ARHGAP24: variants seen among roughly 807,000 people sequenced by gnomAD.
ARHGAP24 encodes the protein rho GTPase-activating protein 24.
In ARHGAP24, 50 loss-of-function variants were observed where a neutral mutation model predicts 76.4. The observed-to-expected ratio is 0.65, with a 90% CI of 0.52 to 0.83. The LOEUF (loss-of-function observed/expected upper bound fraction) is 0.83, where lower values mean the gene tolerates loss of function less well. Among genes scored for constraint, ARHGAP24 ranks in the 40% least tolerant of loss-of-function variants. ARHGAP24 has a pLI of 0.00. For missense variants in ARHGAP24, 930 were observed against 914.2 expected, an observed-to-expected ratio of 1.02 and a Z score of -0.22; for synonymous variants, 345 against 323.3, an observed-to-expected ratio of 1.07 and a Z score of -0.72.
chr4:86,001,448 C>T lies in ARHGAP24; in HGVS notation c.*726C>T, dbSNP rs1002093901. On this transcript the variant is annotated 3_prime_UTR_variant, in exon 10 of 10. Transcript: ENST00000395184. ...GGCCCACTGTCTACCTTGCCAGATCCTCAGTGCGTATCGCCAATGCAGGAT... is the reference window on the plus strand; with the variant it reads ...GGCCCACTGTCTACCTTGCCAGATCTTCAGTGCGTATCGCCAATGCAGGAT... 1 of 398,726 alleles carries T rather than the reference C, an allele frequency of 2.5e-6. No individual in the cohort carries two copies. Among genetic ancestry groups the T allele is most frequent in the African/African-American group, 2.1e-5 (1 of 48,628 alleles). 24.7% of individuals were successfully genotyped at this position (398,726 alleles called of 1,614,324 possible). A position where few individuals can be genotyped will look rare whatever the true frequency, so the allele number is the denominator to read the frequency against.
chr4:85,790,021 T>A (rs1018066419), intron 3 of ARHGAP24, among the ~76,000 whole-genome samples: 7 of 152,178 alleles, frequency 4.6e-5, no homozygotes, highest in African/African-American at 4.8e-5. Context: ...CAATTTTTTT[T>A]ATTAGGTGCA....
At chr4:85,875,591 ATAT>A (rs1732873279) in intron 3 of ARHGAP24, among the ~76,000 whole-genome samples, 1 of 109,384 alleles carries the variant, frequency 9.1e-6, no homozygotes, top group African/African-American at 4.0e-5. Context: ...TATATATTTT[ATAT>A]TATATTTTTA....
At chr4:85,950,909 C>T (rs996867451) in intron 5 of ARHGAP24, among the ~76,000 whole-genome samples, 1 of 152,026 alleles carries the variant, frequency 6.6e-6, no homozygotes, top group Non-Finnish European at 1.5e-5. Context: ...GAACTCCTGA[C>T]CTCAGGTGAT....
chr4:85,658,201 A>C (rs1722243561), intron 2 of ARHGAP24, among the ~76,000 whole-genome samples: 1 of 152,188 alleles, frequency 6.6e-6, no homozygotes. Context: ...CATTTTCAAT[A>C]ATTAGAAGAG....
At chr4:85,794,569 G>A (rs527658441) in intron 3 of ARHGAP24, among the ~76,000 whole-genome samples, 2 of 152,100 alleles carry the variant, frequency 1.3e-5, no homozygotes, top group African/African-American at 2.4e-5. Context: ...TGCAACCTCC[G>A]CTTCCTGGGT....
At chr4:85,861,685 T>C (rs2110177218) in intron 3 of ARHGAP24, among the ~76,000 whole-genome samples, 1 of 152,244 alleles carries the variant, frequency 6.6e-6, no homozygotes, top group South Asian at 2.1e-4. Flanking sequence ...GATGTTTTAT[T>C]TTTATAATGT....
intron 8 of ARHGAP24, among the ~76,000 whole-genome samples, chr4:85,980,812 G>T (rs1004563487): frequency 6.6e-6 from 1 of 152,170 alleles, no homozygotes; most frequent in Non-Finnish European, 1.5e-5. Context: ...ATATGAAGAT[G>T]CTGTTGCCCT....
rs941910859 is a variant in ARHGAP24 at position 85,976,783 on chromosome 4, T to C, written c.807-787T>C. Among the ~76,000 whole-genome samples, 374 of 139,856 alleles carry C rather than the reference T, an allele frequency of 2.7e-3. 1 individual carries two copies. The highest frequency in any genetic ancestry group is 0.01 in the African/African-American group (342 of 32,576). 91.8% of individuals were successfully genotyped at this position (139,856 alleles called of 152,430 possible). A position where few individuals can be genotyped will look rare whatever the true frequency, so the allele number is the denominator to read the frequency against. On this transcript the variant is annotated intron_variant, in intron 7 of 9. Coordinates refer to ENST00000395184, the MANE Select transcript of ARHGAP24 (RefSeq NM_001025616.3). ...TTTCTACAGCATTTTATTTCTCTTT[T>C]TTTTTTTTTTTTTTCCGAGACCGAG...
chr4:85,874,226 A>G (rs1049155170), intron 3 of ARHGAP24, among the ~76,000 whole-genome samples: 2 of 152,170 alleles, frequency 1.3e-5, no homozygotes, highest in African/African-American at 2.4e-5. Flanking sequence ...AGTCCTTCGC[A>G]GCTTTGAATC....
intron 1 of ARHGAP24, among the ~76,000 whole-genome samples, chr4:85,551,515 C>T (rs1254384209): frequency 6.6e-6 from 1 of 151,772 alleles, no homozygotes; most frequent in African/African-American, 2.4e-5. Context: ...TTGTATGTCT[C>T]CTGGGTTTTG....
At chr4:85,632,570 T>C (rs946892567) in intron 2 of ARHGAP24, among the ~76,000 whole-genome samples, 2 of 149,856 alleles carry the variant, frequency 1.3e-5, no homozygotes, top group African/African-American at 5.1e-5. Context: ...AATATCCCTG[T>C]GGACTCACTG....
chr4:85,675,766 A>G (rs1722958225), intron 2 of ARHGAP24, among the ~76,000 whole-genome samples: 1 of 152,166 alleles, frequency 6.6e-6, no homozygotes, highest in South Asian at 2.1e-4. Context: ...AGCTCATCTC[A>G]TTTGACAAAG....
rs557666693 is a variant in ARHGAP24, at chr4:85,551,939, G to C, written c.-20-18583G>C. ...TTTATTCATTATTACGCTAGCTAAT[G>C]GTCTACCTTATTTATTATTTAAAAA... On this transcript the variant is annotated intron_variant, in intron 1 of 9. Transcript: ENST00000395184. 1.6e-4 allele frequency among the ~76,000 whole-genome samples: 25 copies of C among 151,978 alleles called. No individual in the cohort carries two copies. The South Asian group carries it at 5.2e-3, about 32-fold the overall frequency.
At chr4:85,959,848 C>G (rs1299500728) in intron 5 of ARHGAP24, among the ~76,000 whole-genome samples, 2 of 152,172 alleles carry the variant, frequency 1.3e-5, no homozygotes, top group African/African-American at 4.8e-5. Context: ...TCTACCCATT[C>G]TAGTGAATAT....
chr4:85,628,125 T>C (rs538560293), intron 2 of ARHGAP24, among the ~76,000 whole-genome samples: 1 of 152,286 alleles, frequency 6.6e-6, no homozygotes, highest in Non-Finnish European at 1.5e-5. Flanking sequence ...ATGAACCCGG[T>C]ACCTCAATTG....
intron 1 of ARHGAP24, among the ~76,000 whole-genome samples, chr4:85,481,329 A>G (rs1341626241): frequency 2.0e-5 from 3 of 152,218 alleles, no homozygotes; most frequent in Non-Finnish European, 4.4e-5. Flanking sequence ...TGACATATTT[A>G]CTATGTCCCT....
intron 4 of ARHGAP24, chr4:85,930,787 C>G (rs938732158): frequency 1.4e-6 from 2 of 1,462,994 alleles, no homozygotes; most frequent in African/African-American, 1.4e-5. Context: ...TAAGCCAGGA[C>G]CTGGATGATC....
intron 5 of ARHGAP24, among the ~76,000 whole-genome samples, chr4:85,963,536 G>C (rs1220260982): frequency 2.6e-5 from 4 of 152,020 alleles, no homozygotes; most frequent in African/African-American, 9.7e-5. Context: ...AAACTTTTCT[G>C]AATGTTCTAC....
intron 2 of ARHGAP24, among the ~76,000 whole-genome samples, chr4:85,598,254 TAGA>T (rs1210584518): frequency 1.3e-5 from 2 of 152,084 alleles, no homozygotes; most frequent in Non-Finnish European, 2.9e-5. Context: ...AATAAATAGA[TAGA>T]AGGTCTAGAA....
Sources: gnomAD v4.1 joint callset for allele counts (sites outside exome capture counted in the v4.1 genomes callset) on GRCh38, gnomAD v4.1.1 for gene constraint, MANE v1.5 for transcripts, NCBI Gene and HGNC (gene_info 2026-07-23, HGNC 2026-07-21) for gene names.